Variants in ALDH1L2 observed in about 807,000 individuals in gnomAD.
The protein encoded by ALDH1L2 is aldehyde dehydrogenase 1 family member L2, also known as mitochondrial 10-formyltetrahydrofolate dehydrogenase.
A neutral mutation model predicts 111.0 loss-of-function variants in ALDH1L2; 91 were observed. The observed-to-expected ratio is 0.82, with a 90% CI of 0.69 to 0.98. The LOEUF is 0.98. Ranked by LOEUF, ALDH1L2 falls within the 50% of genes least tolerant of loss-of-function variation. ALDH1L2 has a pLI of 0.00. For missense variants in ALDH1L2, 995 were observed against 1,126.8 expected (o/e 0.88, Z 1.67); for synonymous variants, 374 against 392.6 (o/e 0.95, Z 0.56).
chr12:105,067,103 C>T (rs1260662183), intron 4 of ALDH1L2, among the ~76,000 whole-genome samples: 1 of 151,210 alleles, frequency 6.6e-6, no homozygotes, highest in Non-Finnish European at 1.5e-5. Flanking sequence ...GTAGTCCCAG[C>T]TACTCAGGAG....
At chr12:105,071,801 A>C (rs1200069362) in intron 2 of ALDH1L2, among the ~76,000 whole-genome samples, 2 of 150,516 alleles carry the variant, frequency 1.3e-5, no homozygotes, top group East Asian at 1.9e-4. Context: ...ATATTTAAAA[A>C]ATCGGTCAGG....
intron 18 of ALDH1L2, 122 bp downstream of exon 18, chr12:105,037,981 C>T (rs12318676): frequency 0.055 from 37,296 of 680,074 alleles, 1,626 homozygotes; most frequent in East Asian, 0.18. Context: ...TGGTCAGGCT[C>T]GTCTTGAACT....
chr12:105,052,353 T>C (rs1475799731), intron 11 of ALDH1L2, 136 bp from the exon 12 acceptor site: 1 of 886,510 alleles, frequency 1.1e-6, no homozygotes, highest in Non-Finnish European at 1.6e-6. Context: ...GTATATCTAG[T>C]ACTACAGTAA....
intron 2 of ALDH1L2, chr12:105,072,308 T>C (rs991347749): frequency 6.6e-6 from 1 of 151,040 alleles, no homozygotes; most frequent in African/African-American, 2.4e-5. Flanking sequence ...AAGTCTTAAC[T>C]AAAGCTTTCT....
chr12:105,084,450 G>A lies in ALDH1L2; in HGVS notation c.-14C>T. The A allele has an allele frequency of 1.4e-6, 2 of 1,427,582 alleles. No individual in the cohort carries two copies. Among genetic ancestry groups the A allele is most frequent in the East Asian group, 6.1e-5 (2 of 32,912 alleles). The allele number at this position is 1,427,582 out of a possible 1,614,324, so 88.4% of individuals were successfully genotyped here. A position where few individuals can be genotyped will look rare whatever the true frequency, so the allele number is the denominator to read the frequency against. ...CCGCCGCAGCATGCTGGAGAGGAGC[G>A]CTAGCACTGGCGACGCGGCAGCGCG... On this transcript the variant is annotated 5_prime_UTR_variant, in exon 1 of 23. Coordinates refer to ENST00000258494, the MANE Select transcript of ALDH1L2 (RefSeq NM_001034173.4).
At chr12:105,083,996 A>G (rs1878459453) in intron 1 of ALDH1L2, among the ~76,000 whole-genome samples, 1 of 152,142 alleles carries the variant, frequency 6.6e-6, no homozygotes, top group South Asian at 2.1e-4. Context: ...TCCAGGAGAC[A>G]GTCTCGGTTC....
At position 105,021,773 on chromosome 12, in the gene ALDH1L2, T is replaced by C. The variant is rs1874176468; in HGVS notation, c.*2651A>G. 6.6e-6 allele frequency: 1 copy of C among 152,192 alleles called. No individual in the cohort carries two copies. The highest frequency in any genetic ancestry group is 1.5e-5 in the Non-Finnish European group (1 of 68,044). 9.4% of individuals were successfully genotyped at this position (152,192 alleles called of 1,614,324 possible). A position where few individuals can be genotyped will look rare whatever the true frequency, so the allele number is the denominator to read the frequency against. On this transcript the variant is annotated 3_prime_UTR_variant, in exon 23 of 23. Coordinates refer to ENST00000258494, the MANE Select transcript of ALDH1L2 (RefSeq NM_001034173.4). The stretch of plus-strand genomic sequence containing the variant: ...CGTATTATTATTGACAGAAGGCCCA[T>C]ACTGGAGTTGGGGAGGGTTGTTCAT...
chr12:105,039,797 G>C lies in ALDH1L2; in HGVS notation c.1961C>G (p.Ala654Gly). Residue 654 changes from alanine to glycine, a missense_variant, in exon 17 of 23, where the codon GCA becomes GGA. By Grantham distance (60) the Ala-to-Gly change is moderately conservative (BLOSUM62 0). Transcript: ENST00000258494. ...AGGATGTTCAGACAGACGTTGTCCTGCTATGCCACCTGTAGAATTAGGGAA... is the reference window on the plus strand; with the variant it reads ...AGGATGTTCAGACAGACGTTGTCCTCCTATGCCACCTGTAGAATTAGGGAA... The part of the protein sequence containing the change: ...INIIPGSGGI[A>G]GQRLSEHPDI... The C allele has an allele frequency of 1.9e-6, 3 of 1,613,896 alleles. No homozygotes were observed. Among genetic ancestry groups the C allele is most frequent in the East Asian group, 2.2e-5 (1 of 44,874 alleles).
Position 105,046,221 on chromosome 12 carries a change from A to ATTT in ALDH1L2, c.1863+486_1863+488dup, listed in dbSNP as rs869078154. 6.0e-4 allele frequency among the ~76,000 whole-genome samples: 13 copies of ATTT among 21,778 alleles called. 1 individual carries two copies. The highest frequency in any genetic ancestry group is 4.7e-3 in the South Asian group (2 of 426). 14.3% of individuals were successfully genotyped at this position (21,778 alleles called of 152,430 possible). ...TATATATATATATATATATATATAT[A>ATTT]TTTTTTTTTTTTTTTTTTTTTTTTT... On this transcript the variant is annotated intron_variant, in intron 15 of 22. Coordinates refer to ENST00000258494, the MANE Select transcript of ALDH1L2 (RefSeq NM_001034173.4).
intron 16 of ALDH1L2, 53 bp from the exon 17 acceptor site, chr12:105,039,859 G>A (rs878929594): frequency 3.6e-5 from 55 of 1,533,764 alleles, no homozygotes; most frequent in Admixed American, 1.2e-4. Context: ...GGCCGGGCGC[G>A]GTGGCTTACG....
rs1468235270 is a variant in ALDH1L2 at position 105,019,985 on chromosome 12, A to G, written c.*4439T>C. 6.6e-6 allele frequency: 1 copy of G among 152,214 alleles called. No individual in the cohort carries two copies. Among genetic ancestry groups the G allele is most frequent in the African/African-American group, 2.4e-5 (1 of 41,458 alleles). 9.4% of individuals were successfully genotyped at this position (152,214 alleles called of 1,614,324 possible). A position where few individuals can be genotyped will look rare whatever the true frequency, so the allele number is the denominator to read the frequency against. ...AATAACCAAATAGATTTTTGGGTTGACTCAACAAATTATGGTTGAGTCAGT... is the reference window on the plus strand; with the variant it reads ...AATAACCAAATAGATTTTTGGGTTGGCTCAACAAATTATGGTTGAGTCAGT... On this transcript the variant is annotated 3_prime_UTR_variant, in exon 23 of 23. Coordinates refer to ENST00000258494, the MANE Select transcript of ALDH1L2 (RefSeq NM_001034173.4).
rs1270260040 is a variant in ALDH1L2 at position 105,023,165 on chromosome 12, T to C, written c.*1259A>G. ...TGAATCCTTGCAACACCTACTGAGATAGAGATTTGATTTTCATTTTATAGA... is the reference window on the plus strand; with the variant it reads ...TGAATCCTTGCAACACCTACTGAGACAGAGATTTGATTTTCATTTTATAGA... On this transcript the variant is annotated 3_prime_UTR_variant, in exon 23 of 23. Transcript: ENST00000258494. The C allele has an allele frequency of 6.6e-6, 1 of 152,216 alleles. No individual in the cohort carries two copies. Among genetic ancestry groups the C allele is most frequent in the East Asian group, 1.9e-4 (1 of 5,204 alleles). The allele number at this position is 152,216 out of a possible 1,614,324, so 9.4% of individuals were successfully genotyped here.
Position 105,031,891 on chromosome 12 carries a change from C to A in ALDH1L2, c.2288G>T (p.Arg763Ile), listed in dbSNP as rs1423164616. 3.1e-6 allele frequency: 5 copies of A among 1,614,014 alleles called. No homozygotes were observed. The highest frequency in any genetic ancestry group is 4.2e-6 in the Non-Finnish European group (5 of 1,180,038). Residue 763 changes from arginine to isoleucine, a missense_variant, in exon 20 of 23, where the codon AGA becomes ATA. Arg to Ile is a moderately conservative substitution (Grantham distance 97). Transcript: ENST00000258494. Reference sequence around the variant, plus strand: ...ATTTTGGGGCCCATGATCAGTGGATCTGTCAAGTGGATCACCAATTTTCAT... The same window carrying A: ...ATTTTGGGGCCCATGATCAGTGGATATGTCAAGTGGATCACCAATTTTCAT... ...KKMKIGDPLD[R>I]STDHGPQNHK...
At chr12:105,070,420 T>C in intron 3 of ALDH1L2, 150 bp downstream of exon 3, 1 of 650,906 alleles carries the variant, frequency 1.5e-6, no homozygotes, top group Non-Finnish European at 2.6e-6. Context: ...ATTAAAAAAG[T>C]CTCACTGGGT....
chr12:105,046,209 ATATATATATATATTTTTTTTTTTTTTTTT>A lies in ALDH1L2; in HGVS notation c.1863+472_1863+500del. Among the ~76,000 whole-genome samples, 2 of 52,784 alleles carry A rather than the reference ATATATATATATATTTTTTTTTTTTTTTTT, an allele frequency of 3.8e-5. 1 individual carries two copies. The highest frequency in any genetic ancestry group is 1.4e-3 in the South Asian group (2 of 1,456). The allele number at this position is 52,784 out of a possible 152,430, so 34.6% of individuals were successfully genotyped here. ...TCTCTCTCTCTATATATATATATAT[ATATATATATATATTTTTTTTTTTTTTTTT>A]TTTTTTTTTTTTTGTGAGACAGAGT... On this transcript the variant is annotated intron_variant, in intron 15 of 22. Transcript: ENST00000258494.
chr12:105,065,512 G>A (rs1482186402), intron 5 of ALDH1L2, among the ~76,000 whole-genome samples, 156 bp from the exon 6 acceptor site: 1 of 152,154 alleles, frequency 6.6e-6, no homozygotes, highest in African/African-American at 2.4e-5. Flanking sequence ...TTTGTCAGGT[G>A]GCTGATTTAG....
intron 2 of ALDH1L2, among the ~76,000 whole-genome samples, chr12:105,071,437 G>GC (rs202240764): frequency 0.013 from 1,933 of 151,804 alleles, 16 homozygotes; most frequent in Middle Eastern, 0.034. Context: ...CCTGAGAAGA[G>GC]CGCTGTCCCC....
At chr12:105,050,161 TG>T (rs1176632883) in intron 12 of ALDH1L2, 103 bp from the exon 13 acceptor site, 3 of 1,178,920 alleles carry the variant, frequency 2.5e-6, no homozygotes, top group African/African-American at 3.1e-5. Flanking sequence ...TAAACACATA[TG>T]GATCAGATCT....
intron 4 of ALDH1L2, among the ~76,000 whole-genome samples, chr12:105,067,875 C>T (rs1343469863): frequency 3.3e-5 from 5 of 152,184 alleles, no homozygotes; most frequent in Admixed American, 6.5e-5. Context: ...TGAGCACCTA[C>T]CATGGGCCAG....
Sources: gnomAD v4.1 joint callset for allele counts (sites outside exome capture counted in the v4.1 genomes callset) on GRCh38, gnomAD v4.1.1 for gene constraint, MANE v1.5 for transcripts, NCBI Gene and HGNC (gene_info 2026-07-23, HGNC 2026-07-21) for gene names.